The following SAMD4A variants were observed in gnomAD, a reference collection of about 807,000 sequenced individuals.
SAMD4A encodes sterile alpha motif domain containing 4A.
Under a neutral mutation model 81.3 loss-of-function variants are expected in SAMD4A, and 33 were observed. That is an observed-to-expected ratio of 0.41 (90% CI 0.31 to 0.54). SAMD4A has a LOEUF of 0.54. Among genes scored for constraint, SAMD4A ranks in the 20% least tolerant of loss-of-function variants. The pLI is 0.37. For synonymous variants in SAMD4A, 389 were observed against 382.1 expected (o/e 1.02, Z -0.21); for missense variants, 854 against 951.1 (o/e 0.90, Z 1.34).
intron 11 of SAMD4A, among the ~76,000 whole-genome samples, chr14:54,777,702 A>G (rs1160714530): frequency 6.6e-6 from 1 of 152,040 alleles, no homozygotes; most frequent in Non-Finnish European, 1.5e-5. Context: ...TTGGGAGGTC[A>G]GGGAGGAGGA....
upstream of SAMD4A, among the ~76,000 whole-genome samples, chr14:54,565,714 G>A (rs918885943): frequency 1.2e-3 from 185 of 152,232 alleles, no homozygotes; most frequent in Admixed American, 7.9e-3. The surrounding 1 kb of genome is among the most constrained non-coding windows in gnomAD (Gnocchi z 5.4). Flanking sequence ...TGGCAGCACC[G>A]CCCCCGCCCG....
rs141990752 is a variant in SAMD4A at position 54,759,959 on chromosome 14, A to G, written c.1177-202A>G. ...CGGTGGTGTGTATTTTCCTCGCTATACCTGTCTGTATTTTCCAAGTGTTCT... is the reference window on the plus strand; with the variant it reads ...CGGTGGTGTGTATTTTCCTCGCTATGCCTGTCTGTATTTTCCAAGTGTTCT... On this transcript the variant is annotated intron_variant, in intron 6 of 12. Coordinates refer to ENST00000554335, the MANE Select transcript of SAMD4A (RefSeq NM_015589.6). 4.1e-3 allele frequency among the ~76,000 whole-genome samples: 629 copies of G among 152,220 alleles called. 5 individuals carry two copies. The highest frequency in any genetic ancestry group is 0.014 in the African/African-American group (591 of 41,538).
At position 54,789,258 on chromosome 14, in the gene SAMD4A, A is replaced by G. The variant is rs1594949146; in HGVS notation, c.*314A>G. 4.4e-5 allele frequency: 21 copies of G among 475,934 alleles called. No homozygotes were observed. The South Asian group carries it at 5.1e-4, about 12-fold the overall frequency. 29.5% of individuals were successfully genotyped at this position (475,934 alleles called of 1,614,324 possible). A position where few individuals can be genotyped will look rare whatever the true frequency, so the allele number is the denominator to read the frequency against. ...AGGTAGCTCTCTGGATGGAACGGGG[A>G]CAGGGGAAAGAGTACTGCCATGAAA... On this transcript the variant is annotated 3_prime_UTR_variant, in exon 13 of 13. Transcript: ENST00000554335.
At chr14:54,749,037 T>C in intron 5 of SAMD4A, 113 bp downstream of exon 5, 1 of 703,676 alleles carries the variant, frequency 1.4e-6, no homozygotes, top group Admixed American at 2.5e-5. Flanking sequence ...TAGCTTGCCC[T>C]GTGCTGGAAA....
intron 10 of SAMD4A, 144 bp from the exon 11 acceptor site, chr14:54,776,270 C>T: frequency 4.0e-6 from 3 of 757,158 alleles, no homozygotes; most frequent in East Asian, 3.0e-5. Context: ...TATAAATAAG[C>T]AGATGCTAGC....
intron 2 of SAMD4A, among the ~76,000 whole-genome samples, chr14:54,670,664 A>G (rs901438020): frequency 6.6e-6 from 1 of 152,206 alleles, no homozygotes; most frequent in Non-Finnish European, 1.5e-5. Flanking sequence ...AGCACGTGGT[A>G]TGTGATTGAT....
At chr14:54,746,385 A>G (rs766216954) in intron 4 of SAMD4A, among the ~76,000 whole-genome samples, 12 of 152,340 alleles carry the variant, frequency 7.9e-5, no homozygotes, top group Non-Finnish European at 1.5e-4. Context: ...TGCATCTAGA[A>G]GTAACTCTTC....
chr14:54,745,673 C>T (rs576239547), intron 4 of SAMD4A, among the ~76,000 whole-genome samples: 10 of 152,216 alleles, frequency 6.6e-5, no homozygotes, highest in Non-Finnish European at 1.0e-4. Flanking sequence ...TCAGGATTCC[C>T]ACACTTGGCA....
At chr14:54,718,887 C>G (rs2037189314) in intron 3 of SAMD4A, among the ~76,000 whole-genome samples, 1 of 151,944 alleles carries the variant, frequency 6.6e-6, no homozygotes, top group South Asian at 2.1e-4. Flanking sequence ...CCTGTAATCC[C>G]AGCTACTTGG....
At chr14:54,608,462 G>A (rs2034273785) in intron 2 of SAMD4A, among the ~76,000 whole-genome samples, 2 of 152,172 alleles carry the variant, frequency 1.3e-5, no homozygotes, top group Non-Finnish European at 2.9e-5. Flanking sequence ...TCTCACATAT[G>A]TATTGAAAGG....
chr14:54,684,645 G>A (rs12432933), intron 2 of SAMD4A, among the ~76,000 whole-genome samples: 4,274 of 126,746 alleles, frequency 0.034, 137 homozygotes, highest in East Asian at 0.11. Context: ...GGAAACCTAT[G>A]GAAAGGGCTC....
chr14:54,727,459 G>A (rs1027105537), intron 3 of SAMD4A, among the ~76,000 whole-genome samples: 3 of 152,066 alleles, frequency 2.0e-5, no homozygotes, highest in Admixed American at 1.3e-4. Context: ...AAAGTGCTGG[G>A]ATTACAGGGG....
intron 2 of SAMD4A, among the ~76,000 whole-genome samples, chr14:54,639,946 T>G (rs1188973698): frequency 6.6e-6 from 1 of 152,152 alleles, no homozygotes; most frequent in African/African-American, 2.4e-5. Flanking sequence ...TTCTTGTAAT[T>G]CTGCTTATTT....
At chr14:54,784,023 G>A (rs2039070140) in intron 11 of SAMD4A, among the ~76,000 whole-genome samples, 1 of 152,230 alleles carries the variant, frequency 6.6e-6, no homozygotes. Flanking sequence ...TAGTGTGGGG[G>A]CATGGCTCAT....
intron 3 of SAMD4A, among the ~76,000 whole-genome samples, chr14:54,717,326 C>G (rs932505400): frequency 6.6e-6 from 1 of 151,642 alleles, no homozygotes; most frequent in Non-Finnish European, 1.5e-5. Flanking sequence ...CCTGTGGTCC[C>G]AGCTCCTTGG....
At chr14:54,653,808 T>C (rs2035460730) in intron 2 of SAMD4A, among the ~76,000 whole-genome samples, 1 of 152,170 alleles carries the variant, frequency 6.6e-6, no homozygotes, top group Admixed American at 6.5e-5. Flanking sequence ...TCTGAGGCAA[T>C]GGAGTGGCAG....
intron 2 of SAMD4A, among the ~76,000 whole-genome samples, chr14:54,675,367 C>CAAAAAAAAAAAAAAAAAAAAAAAA (rs59110762): frequency 2.5e-4 from 19 of 75,382 alleles, no homozygotes; most frequent in Middle Eastern, 0.012. Flanking sequence ...ACTCCGTCTC[C>CAAAAAAAAAAAAAAAAAAAAAAAA]AAAAAAAAAA....
intron 2 of SAMD4A, among the ~76,000 whole-genome samples, chr14:54,582,626 T>G (rs1457336257): frequency 6.6e-6 from 1 of 152,160 alleles, no homozygotes; most frequent in Admixed American, 6.5e-5. Flanking sequence ...AAGTTCTGGA[T>G]TGGATCCTGG....
At chr14:54,776,670 C>T (rs1197034962) in intron 11 of SAMD4A, 130 bp downstream of exon 11, 1 of 1,118,642 alleles carries the variant, frequency 8.9e-7, no homozygotes. Flanking sequence ...GAAGCCTTTC[C>T]TTTTTTAAAC....
Sources: allele counts gnomAD v4.1 joint callset (sites outside exome capture counted in the v4.1 genomes callset), GRCh38; gene constraint gnomAD v4.1.1; non-coding constraint Gnocchi (gnomAD v3.1); transcripts MANE v1.5; gene names NCBI Gene and HGNC (gene_info 2026-07-23, HGNC 2026-07-21).